The following CFHR5 variants were observed in gnomAD, a reference collection of about 807,000 sequenced individuals.
The protein encoded by CFHR5 is complement factor H-related protein 5.
CFHR5 carries 73 observed loss-of-function variants against 62.9 expected under a neutral mutation model. That is an observed-to-expected ratio of 1.16 (90% confidence interval 0.96 to 1.41). The LOEUF (loss-of-function observed/expected upper bound fraction) is 1.41, where lower values mean the gene tolerates loss of function less well. Among genes scored for constraint, CFHR5 ranks in the 40% most tolerant of loss-of-function variants. The pLI, the probability that CFHR5 is intolerant of heterozygous loss-of-function variation, is 0.00. For synonymous variants in CFHR5, 249 were observed against 227.2 expected, an observed-to-expected ratio of 1.10 and a Z score of -0.86; for missense variants, 779 against 679.9, an observed-to-expected ratio of 1.15 and a Z score of -1.62.
chr1:197,000,740 A>C (rs1654132423), intron 7 of CFHR5, among the ~76,000 whole-genome samples: 1 of 152,190 alleles, frequency 6.6e-6, no homozygotes, highest in African/African-American at 2.4e-5. Flanking sequence ...GATGATACTC[A>C]ATAAGTATTC....
Position 197,004,646 on chromosome 1 carries a change from A to C in CFHR5, c.1331-15A>C, listed in dbSNP as rs1321950021. The C allele has an allele frequency of 6.2e-7, 1 of 1,604,296 alleles. No homozygotes were observed. The highest frequency in any genetic ancestry group is 8.5e-7 in the Non-Finnish European group (1 of 1,171,246). On this transcript the variant is annotated splice_polypyrimidine_tract_variant and intron_variant, in intron 8 of 9. Transcript: ENST00000256785. Reference sequence around the variant, plus strand: ...AACTAACATAATGTCTCAACAAATAAATGCTGTTTTCCAGAGTCTACTGCA... The same window carrying C: ...AACTAACATAATGTCTCAACAAATACATGCTGTTTTCCAGAGTCTACTGCA...
intron 8 of CFHR5, among the ~76,000 whole-genome samples, chr1:197,003,952 A>T (rs1558290784): frequency 6.6e-6 from 1 of 152,180 alleles, no homozygotes; most frequent in Admixed American, 6.5e-5. Context: ...ATCTAGTGTC[A>T]TCATGAAGAA....
chr1:196,980,434 CAT>C (rs1360315753), intron 1 of CFHR5, among the ~76,000 whole-genome samples: 1 of 152,054 alleles, frequency 6.6e-6, no homozygotes, highest in African/African-American at 2.4e-5. Context: ...CTGCCACAAA[CAT>C]GTGAGTAATA....
rs1477914357 is a variant in CFHR5, at chr1:197,002,487, A to C, written c.1153A>C (p.Arg385=). 2 of 1,611,508 alleles carry C rather than the reference A, an allele frequency of 1.2e-6. No individual in the cohort carries two copies. The highest frequency in any genetic ancestry group is 1.7e-6 in the Non-Finnish European group (2 of 1,178,066). The change falls in exon 8 of 10, where the codon AGG becomes CGG. Residue 385 remains arginine, a synonymous_variant. Transcript: ENST00000256785. Reference sequence around the variant, plus strand: ...TTAATTCCAATATTTTGTAGAAAAAAGGGAACAATTCTGCCCACCGCCACC... The same window carrying C: ...TTAATTCCAATATTTTGTAGAAAAACGGGAACAATTCTGCCCACCGCCACC... ...WNPEVDCTEK[R]EQFCPPPPQI...
rs553453505 is a variant in CFHR5, at chr1:196,998,322, C to T, written c.1147+18C>T. On this transcript the variant is annotated intron_variant, in intron 7 of 9. Coordinates refer to ENST00000256785, the MANE Select transcript of CFHR5 (RefSeq NM_030787.4). ...CTGCACAGGTAAGATTTGTTTAAAA[C>T]ATTTTGTTGATCTTGTTGCTTCTTT... The T allele has an allele frequency of 5.6e-6, 9 of 1,598,790 alleles. No individual in the cohort carries two copies. The South Asian group carries it at 7.8e-5, about 14-fold the overall frequency.
chr1:197,004,780 C>T lies in CFHR5; in HGVS notation c.1450C>T (p.Leu484Phe), dbSNP rs1654242080. 3.7e-6 allele frequency: 6 copies of T among 1,613,674 alleles called. No homozygotes were observed. Among genetic ancestry groups the T allele is most frequent in the Non-Finnish European group, 1.7e-6 (2 of 1,179,794 alleles). Residue 484 changes from leucine (L) to phenylalanine (F), a missense_variant, in exon 9 of 10, where the codon CTC (leucine) becomes TTC (phenylalanine). Transcript: ENST00000256785. ...VTYRCQSFYK[L>F]QGSVTVTCRN... ...GTACCGTTGCCAGTCCTTCTATAAA[C>T]TCCAGGGCTCTGTAACTGTAACATG... is the stretch of plus-strand genomic sequence containing the variant.
At chr1:196,993,943 T>G in intron 3 of CFHR5, 137 bp from the exon 4 acceptor site, 1 of 692,504 alleles carries the variant, frequency 1.4e-6, no homozygotes, top group Non-Finnish European at 2.5e-6. Context: ...AAATAATTAG[T>G]CTATATGTTT....
chr1:196,994,309 G>T (rs564711982), intron 4 of CFHR5, 53 bp downstream of exon 4: 23 of 1,369,008 alleles, frequency 1.7e-5, no homozygotes, highest in Non-Finnish European at 2.3e-5. Flanking sequence ...TTATAATAAT[G>T]CCCATATATT....
At chr1:196,982,226 C>T (rs1194973784) in intron 1 of CFHR5, among the ~76,000 whole-genome samples, 1 of 152,108 alleles carries the variant, frequency 6.6e-6, no homozygotes, top group East Asian at 1.9e-4. Context: ...CCTATCACTC[C>T]TCTACTGTAC....
intron 3 of CFHR5, among the ~76,000 whole-genome samples, chr1:196,987,247 G>T (rs1464660188): frequency 2.0e-5 from 3 of 152,138 alleles, no homozygotes; most frequent in Non-Finnish European, 2.9e-5. Context: ...GTTCTTTGTA[G>T]ATTCTGGCTA....
chr1:196,979,219 G>A (rs1055172571), intron 1 of CFHR5, among the ~76,000 whole-genome samples: 3 of 151,058 alleles, frequency 2.0e-5, no homozygotes, highest in African/African-American at 7.3e-5. Flanking sequence ...ATGTAAATAG[G>A]CAAATAAATT....
chr1:196,978,725 T>C (rs1026183093), intron 1 of CFHR5, among the ~76,000 whole-genome samples: 1 of 152,194 alleles, frequency 6.6e-6, no homozygotes, highest in African/African-American at 2.4e-5. Context: ...AAGAGTGCGA[T>C]TGCATGAGTG....
intron 2 of CFHR5, among the ~76,000 whole-genome samples, chr1:196,983,673 C>T (rs542452999): frequency 7.2e-5 from 11 of 151,788 alleles, no homozygotes; most frequent in South Asian, 6.2e-4. Flanking sequence ...ATGAGAATTG[C>T]GAGAAATATT....
At chr1:196,994,393 T>C (rs996323734) in intron 4 of CFHR5, 137 bp downstream of exon 4, 34 of 721,628 alleles carry the variant, frequency 4.7e-5, no homozygotes, top group African/African-American at 8.9e-5. Flanking sequence ...TGCAGTTCTA[T>C]AGTAATTGAG....
Position 196,998,215 on chromosome 1 carries a change from C to A in CFHR5, c.1058C>A (p.Ser353Tyr), listed in dbSNP as rs898104996. ...KLSGKEFNHN[S>Y]RIRYRCSDIF... The stretch of plus-strand genomic sequence containing the variant: ...TCTGGGAAAGAATTTAATCATAATT[C>A]TAGAATACGTTACAGATGTTCAGAC... The change falls in exon 7 of 10, where the codon TCT (serine) becomes TAT (tyrosine). Residue 353 changes from serine (S) to tyrosine (Y), a missense_variant. Coordinates refer to ENST00000256785, the MANE Select transcript of CFHR5 (RefSeq NM_030787.4). 1 of 1,608,378 alleles carries A rather than the reference C, an allele frequency of 6.2e-7. No homozygotes were observed. The highest frequency in any genetic ancestry group is 1.1e-5 in the South Asian group (1 of 90,224).
chr1:196,996,232 ATTAT>A (rs755167597), intron 6 of CFHR5, 31 bp downstream of exon 6: 1 of 1,514,696 alleles, frequency 6.6e-7, no homozygotes, highest in Non-Finnish European at 9.2e-7. Context: ...TTTATATTTG[ATTAT>A]TTATCATTTT....
At chr1:197,003,099 G>A (rs1356141941) in intron 8 of CFHR5, among the ~76,000 whole-genome samples, 1 of 152,132 alleles carries the variant, frequency 6.6e-6, no homozygotes, top group Non-Finnish European at 1.5e-5. Flanking sequence ...GAGGTTGGGG[G>A]ATGGTTTCAG....
intron 3 of CFHR5, among the ~76,000 whole-genome samples, chr1:196,991,048 A>C (rs1465870504): frequency 6.6e-6 from 1 of 151,858 alleles, no homozygotes; most frequent in Non-Finnish European, 1.5e-5. Context: ...TATTTCTCGG[A>C]GGCTTTGTTC....
At chr1:197,007,600 T>A (rs918263528) in intron 9 of CFHR5, among the ~76,000 whole-genome samples, 1 of 150,274 alleles carries the variant, frequency 6.7e-6, no homozygotes, top group Non-Finnish European at 1.5e-5. Flanking sequence ...TGTGTGTATA[T>A]GTAATATAAA....
Sources: allele counts gnomAD v4.1 joint callset (sites outside exome capture counted in the v4.1 genomes callset), GRCh38; gene constraint gnomAD v4.1.1; transcripts MANE v1.5; gene names NCBI Gene and HGNC (gene_info 2026-07-23, HGNC 2026-07-21).